The following CADPS variants were observed in gnomAD, a reference collection of about 807,000 sequenced individuals.
The protein encoded by CADPS is calcium-dependent secretion activator 1.
In CADPS, 57 loss-of-function variants were observed where a neutral mutation model predicts 167.3. The observed-to-expected ratio is 0.34, with a 90% CI of 0.28 to 0.42. CADPS has a LOEUF of 0.42. Among genes scored for constraint, CADPS ranks in the 20% least tolerant of loss-of-function variants. The probability of loss-of-function intolerance (pLI) is 1.00; values close to 1 mark genes in which losing one functional copy is unlikely to be tolerated. For synonymous variants in CADPS, 676 were observed against 635.3 expected, an observed-to-expected ratio of 1.06 and a Z score of -0.96; for missense variants, 1,414 against 1,738.1, an observed-to-expected ratio of 0.81 and a Z score of 3.32.
chr3:62,866,235 TTTTG>T (rs767200659), intron 1 of CADPS, among the ~76,000 whole-genome samples: 4 of 152,130 alleles, frequency 2.6e-5, no homozygotes, highest in Middle Eastern at 3.2e-3. Flanking sequence ...ACATAACTTA[TTTTG>T]AAGCCATTTG....
At chr3:62,520,668 G>A (rs187737850) in intron 13 of CADPS, among the ~76,000 whole-genome samples, 1 of 152,300 alleles carries the variant, frequency 6.6e-6, no homozygotes, top group African/African-American at 2.4e-5. Flanking sequence ...ACAATTTGAT[G>A]TCGAATGATT....
In CADPS at chr3:62,492,336, G is replaced by A; in HGVS notation, c.2838C>T (p.Asp946=). ...TCAGCAGCTGAAATAGTGGAAAACT[G>A]TCCCATGTGTCTGGAGGTTGCACCT... The part of the protein sequence containing the change: ...ALEVQPPDTW[D]SFPLFQLLND... The change falls in exon 20 of 30, where the codon GAC becomes GAT. Residue 946 remains aspartate (D), a synonymous_variant. Coordinates refer to ENST00000383710, the MANE Select transcript of CADPS (RefSeq NM_003716.4). The A allele has an allele frequency of 1.9e-6, 3 of 1,614,070 alleles. No individual in the cohort carries two copies. Among genetic ancestry groups the A allele is most frequent in the Non-Finnish European group, 2.5e-6 (3 of 1,179,930 alleles).
intron 26 of CADPS, among the ~76,000 whole-genome samples, chr3:62,461,540 C>T (rs1406074461): frequency 2.0e-5 from 3 of 152,196 alleles, no homozygotes; most frequent in Admixed American, 1.3e-4. Context: ...CCAACATTCA[C>T]TTAATCCCTA....
intron 17 of CADPS, among the ~76,000 whole-genome samples, chr3:62,510,769 A>G (rs2067634890): frequency 6.6e-6 from 1 of 152,058 alleles, no homozygotes. Context: ...CCACCTCCAT[A>G]CAGTTGGTTA....
chr3:62,555,272 G>T (rs868665877), intron 10 of CADPS, among the ~76,000 whole-genome samples: 6 of 152,032 alleles, frequency 3.9e-5, no homozygotes, highest in Non-Finnish European at 5.9e-5. Flanking sequence ...ATATCCCATG[G>T]GATCGATGTA....
At chr3:62,715,222 A>G (rs1292397336) in intron 3 of CADPS, among the ~76,000 whole-genome samples, 1 of 152,120 alleles carries the variant, frequency 6.6e-6, no homozygotes, top group Non-Finnish European at 1.5e-5. Context: ...TGATACCTAC[A>G]TGGGGCTTAT....
chr3:62,540,204 A>G (rs2075455892), intron 11 of CADPS, among the ~76,000 whole-genome samples: 1 of 151,996 alleles, frequency 6.6e-6, no homozygotes, highest in South Asian at 2.1e-4. Flanking sequence ...CATTTCTAGG[A>G]AGCTGGGAGT....
chr3:62,752,568 A>G (rs533033870), intron 3 of CADPS, among the ~76,000 whole-genome samples: 1 of 152,338 alleles, frequency 6.6e-6, no homozygotes, highest in East Asian at 1.9e-4. Context: ...CCAAGATTTT[A>G]TATACTGGGA....
chr3:62,434,555 G>A (rs1019859162), intron 28 of CADPS, among the ~76,000 whole-genome samples: 3 of 152,168 alleles, frequency 2.0e-5, no homozygotes, highest in Non-Finnish European at 4.4e-5. Context: ...AAAAATCGGT[G>A]AGGATGAATT....
intron 24 of CADPS, chr3:62,466,662 C>T (rs74418432): frequency 2.0e-6 from 1 of 497,568 alleles, no homozygotes; most frequent in African/African-American, 1.9e-5. Context: ...TGTGTGTAGA[C>T]ACTTAAACAC....
At chr3:62,444,515 C>T (rs1337791939) in intron 27 of CADPS, among the ~76,000 whole-genome samples, 2 of 152,238 alleles carry the variant, frequency 1.3e-5, no homozygotes, top group African/African-American at 4.8e-5. Context: ...AAAGTTTATA[C>T]TTTGGAGGCT....
At chr3:62,850,984 A>C (rs2078446337) in intron 1 of CADPS, among the ~76,000 whole-genome samples, 2 of 147,968 alleles carry the variant, frequency 1.4e-5, no homozygotes, top group South Asian at 4.4e-4. Context: ...TATATTTAGG[A>C]TAGTTAGCTC....
At chr3:62,802,310 T>C (rs1223207772) in intron 1 of CADPS, among the ~76,000 whole-genome samples, 1 of 152,178 alleles carries the variant, frequency 6.6e-6, no homozygotes, top group African/African-American at 2.4e-5. Context: ...ATTCTGCACC[T>C]ACAAAACCAG....
chr3:62,629,630 T>G (rs927737787), intron 6 of CADPS, among the ~76,000 whole-genome samples: 1 of 152,212 alleles, frequency 6.6e-6, no homozygotes, highest in Admixed American at 6.5e-5. Context: ...TGTATAAGAC[T>G]CTCTGAGGGC....
intron 21 of CADPS, among the ~76,000 whole-genome samples, chr3:62,488,492 AT>A (rs1433867337): frequency 6.7e-6 from 1 of 149,886 alleles, no homozygotes; most frequent in African/African-American, 2.5e-5. Context: ...TTATTTATTT[AT>A]TTATTATTAT....
At chr3:62,820,380 A>G (rs1476447242) in intron 1 of CADPS, among the ~76,000 whole-genome samples, 1 of 152,116 alleles carries the variant, frequency 6.6e-6, no homozygotes, top group Non-Finnish European at 1.5e-5. Context: ...GGAATTGCCT[A>G]CCCCTCCAGA....
At chr3:62,447,088 G>T (rs1409331208) in intron 26 of CADPS, among the ~76,000 whole-genome samples, 1 of 152,138 alleles carries the variant, frequency 6.6e-6, no homozygotes, top group South Asian at 2.1e-4. Context: ...AACCAATAGG[G>T]TGGGGTGGAA....
At chr3:62,776,695 G>A (rs980317132) in intron 1 of CADPS, among the ~76,000 whole-genome samples, 7 of 152,018 alleles carry the variant, frequency 4.6e-5, no homozygotes, top group African/African-American at 1.5e-4. Context: ...GCAGAATCAG[G>A]GAATAGGAAT....
chr3:62,550,792 A>G, intron 10 of CADPS: 1 of 456,646 alleles, frequency 2.2e-6, no homozygotes, highest in South Asian at 1.5e-5. Context: ...TGACCTCCAC[A>G]TTGCTGAATC....
Sources: allele counts gnomAD v4.1 joint callset (sites outside exome capture counted in the v4.1 genomes callset), GRCh38; gene constraint gnomAD v4.1.1; transcripts MANE v1.5; gene names NCBI Gene and HGNC (gene_info 2026-07-23, HGNC 2026-07-21).